MAP4K4: variants seen among roughly 807,000 people sequenced by gnomAD.
The protein encoded by MAP4K4 is mitogen-activated protein kinase kinase kinase kinase 4.
Under a neutral mutation model 189.6 loss-of-function variants are expected in MAP4K4, and 38 were observed. The ratio of observed to expected loss-of-function variants is 0.20; its 90% confidence interval spans 0.15 to 0.26. The LOEUF (loss-of-function observed/expected upper bound fraction) is 0.26. Ranked by LOEUF, MAP4K4 falls within the 10% of genes least tolerant of loss-of-function variation. The probability of loss-of-function intolerance (pLI) is 1.00; values close to 1 mark genes in which losing one functional copy is unlikely to be tolerated. For missense variants in MAP4K4, 1,054 were observed against 1,726.9 expected (o/e 0.61, Z 6.91); for synonymous variants, 610 against 624.3 (o/e 0.98, Z 0.34).
intron 3 of MAP4K4, among the ~76,000 whole-genome samples, chr2:101,811,995 T>A (rs1201343667): frequency 1.3e-5 from 2 of 152,208 alleles, no homozygotes; most frequent in Non-Finnish European, 2.9e-5. Context: ...TTTGTCTTTA[T>A]CTCTGTAAGT....
intron 2 of MAP4K4, among the ~76,000 whole-genome samples, chr2:101,768,029 A>T (rs542843605): frequency 2.7e-4 from 41 of 152,122 alleles, no homozygotes; most frequent in Middle Eastern, 3.4e-3. Context: ...TGAAACACAG[A>T]TTTTCTTTAT....
chr2:101,811,636 T>A (rs1290725500), intron 3 of MAP4K4, among the ~76,000 whole-genome samples: 1 of 152,124 alleles, frequency 6.6e-6, no homozygotes, highest in South Asian at 2.1e-4. Context: ...GAGCCATCTC[T>A]CTCCCTGTCC....
chr2:101,762,718 G>A (rs1413768173), intron 2 of MAP4K4, among the ~76,000 whole-genome samples: 1 of 152,184 alleles, frequency 6.6e-6, no homozygotes, highest in Non-Finnish European at 1.5e-5. Context: ...GCACAAAGCT[G>A]TACTGTTGTC....
At chr2:101,755,675 A>T (rs1031546913) in intron 2 of MAP4K4, among the ~76,000 whole-genome samples, 1 of 151,844 alleles carries the variant, frequency 6.6e-6, no homozygotes, top group East Asian at 1.9e-4. Context: ...TCTGTTCCTC[A>T]TCTGCCTCTT....
At chr2:101,816,813 C>T (rs1190720916) in intron 3 of MAP4K4, among the ~76,000 whole-genome samples, 1 of 152,148 alleles carries the variant, frequency 6.6e-6, no homozygotes, top group Non-Finnish European at 1.5e-5. Context: ...GTTCTTCAGG[C>T]TCTCCTAGGC....
chr2:101,861,013 T>G, intron 16 of MAP4K4, 27 bp downstream of exon 16: 1 of 1,568,822 alleles, frequency 6.4e-7, no homozygotes, highest in Non-Finnish European at 8.6e-7. Flanking sequence ...TTGCTGTGGT[T>G]GAGGAGACTC....
chr2:101,817,968 A>C (rs1188000489), intron 3 of MAP4K4, among the ~76,000 whole-genome samples: 1 of 152,074 alleles, frequency 6.6e-6, no homozygotes, highest in Admixed American at 6.6e-5. Context: ...TTGTTCTGGA[A>C]TCTTTCCTGT....
intron 1 of MAP4K4, 28 bp from the exon 2 acceptor site, chr2:101,698,445 G>C: frequency 6.3e-7 from 1 of 1,599,396 alleles, no homozygotes; most frequent in Non-Finnish European, 8.6e-7. Context: ...TCTTTTAAAT[G>C]ATAACCCCTC....
chr2:101,877,246 C>G, intron 27 of MAP4K4, 100 bp downstream of exon 27: 1 of 1,193,798 alleles, frequency 8.4e-7, no homozygotes, highest in African/African-American at 1.5e-5. Flanking sequence ...GATGTACTGG[C>G]TAAATAAGGT....
At chr2:101,715,243 C>T (rs1214029331) in intron 2 of MAP4K4, among the ~76,000 whole-genome samples, 16 of 152,196 alleles carry the variant, frequency 1.1e-4, no homozygotes. Context: ...CTTACAAGGA[C>T]AGCAGTCAGA....
rs148614747 is a variant in MAP4K4 at position 101,785,062 on chromosome 2, G to A, written c.124-5658G>A. 4.5e-3 allele frequency among the ~76,000 whole-genome samples: 679 copies of A among 152,236 alleles called. 5 individuals are homozygous for A. Among genetic ancestry groups the A allele is most frequent in the African/African-American group, 0.015 (639 of 41,546 alleles). On this transcript the variant is annotated intron_variant, in intron 2 of 32. Coordinates refer to ENST00000324219, the Ensembl canonical transcript of MAP4K4. ...CAACCTCAGGACTGTAATGCTCTCC[G>A]GTGTCACAGGATATGCTTGCTGGAG...
At chr2:101,778,170 A>G (rs1367123523) in intron 2 of MAP4K4, among the ~76,000 whole-genome samples, 1 of 152,158 alleles carries the variant, frequency 6.6e-6, no homozygotes, top group Non-Finnish European at 1.5e-5. Flanking sequence ...GGGGGGACCC[A>G]CAAGGCAGAG....
chr2:101,830,393 C>G (rs1383247308), intron 6 of MAP4K4, among the ~76,000 whole-genome samples: 3 of 152,060 alleles, frequency 2.0e-5, no homozygotes, highest in African/African-American at 7.2e-5. Flanking sequence ...TTTCTTGTTT[C>G]CTTTAGCTGG....
At chr2:101,855,150 C>T (rs566247510) in intron 12 of MAP4K4, among the ~76,000 whole-genome samples, 4 of 152,288 alleles carry the variant, frequency 2.6e-5, no homozygotes, top group African/African-American at 9.6e-5. Flanking sequence ...ATAGAACAGT[C>T]TGGATTTAGA....
At chr2:101,856,049 A>C (rs374636330) in exon 13 of MAP4K4, 12 of 1,551,720 alleles carry the variant, frequency 7.7e-6, no homozygotes, top group Non-Finnish European at 9.6e-6. Flanking sequence ...AGAAGAAAAG[A>C]GGCGTCTAGA....
chr2:101,872,771 G>A (rs2098084778), intron 24 of MAP4K4, among the ~76,000 whole-genome samples: 1 of 152,028 alleles, frequency 6.6e-6, no homozygotes, highest in African/African-American at 2.4e-5. Flanking sequence ...CCATGGAGGG[G>A]GTCCAATGGT....
intron 2 of MAP4K4, among the ~76,000 whole-genome samples, chr2:101,748,258 T>C (rs1300532491): frequency 6.6e-6 from 1 of 152,166 alleles, no homozygotes; most frequent in Non-Finnish European, 1.5e-5. Flanking sequence ...GCACCCTAAA[T>C]AGATTTCCAT....
intron 2 of MAP4K4, among the ~76,000 whole-genome samples, chr2:101,743,432 T>A (rs1369479814): frequency 6.6e-6 from 1 of 152,066 alleles, no homozygotes. Context: ...CAGTGTTTGT[T>A]AAGGCCCTGA....
chr2:101,781,086 C>G (rs1163712122), intron 2 of MAP4K4, among the ~76,000 whole-genome samples: 1 of 152,180 alleles, frequency 6.6e-6, no homozygotes, highest in African/African-American at 2.4e-5. Context: ...TTTAGATGCT[C>G]TGACATGAAG....
Sources: gnomAD v4.1 joint callset for allele counts (sites outside exome capture counted in the v4.1 genomes callset) on GRCh38, gnomAD v4.1.1 for gene constraint, MANE v1.5 for transcripts, NCBI Gene and HGNC (gene_info 2026-07-23, HGNC 2026-07-21) for gene names.